The following SUPT3H variants were observed in gnomAD, a reference collection of about 807,000 sequenced individuals.
SUPT3H encodes the protein SPT3 homolog, SAGA and STAGA complex component.
In SUPT3H, 44 loss-of-function variants were observed where a neutral mutation model predicts 44.3. That is an observed-to-expected ratio of 0.99 (90% CI 0.78 to 1.28). SUPT3H has a LOEUF of 1.28. Among genes scored for constraint, SUPT3H ranks in the 50% most tolerant of loss-of-function variants. SUPT3H has a pLI of 0.00. For synonymous variants in SUPT3H, 124 were observed against 125.6 expected, an observed-to-expected ratio of 0.99 and a Z score of 0.09; for missense variants, 380 against 387.1, an observed-to-expected ratio of 0.98 and a Z score of 0.15.
intron 2 of SUPT3H, among the ~76,000 whole-genome samples, chr6:45,131,924 A>G (rs557959164): frequency 1.3e-5 from 2 of 152,324 alleles, no homozygotes; most frequent in African/African-American, 4.8e-5. Context: ...GGATGCCTGA[A>G]ACTGGGTAGT....
At chr6:44,890,620 A>AG (rs1332170435) in intron 10 of SUPT3H, among the ~76,000 whole-genome samples, 1 of 40,676 alleles carries the variant, frequency 2.5e-5, no homozygotes, top group African/African-American at 1.0e-4. Context: ...GGGGTGGGGG[A>AG]GGGGGGAGGG....
chr6:44,959,704 T>C (rs1775727739), intron 7 of SUPT3H, among the ~76,000 whole-genome samples: 1 of 152,154 alleles, frequency 6.6e-6, no homozygotes, highest in Non-Finnish European at 1.5e-5. Context: ...GTGAATTAGA[T>C]TAGTGTGCCG....
chr6:45,183,648 C>A (rs1449825290), intron 2 of SUPT3H, among the ~76,000 whole-genome samples: 1 of 152,186 alleles, frequency 6.6e-6, no homozygotes, highest in African/African-American at 2.4e-5. Flanking sequence ...TCCCACTAGG[C>A]CCCGCCTCCA....
chr6:44,813,294 T>C (rs1766666001), intron 11 of SUPT3H, among the ~76,000 whole-genome samples: 2 of 152,186 alleles, frequency 1.3e-5, no homozygotes, highest in South Asian at 4.1e-4. Context: ...TAAGGGATCC[T>C]CCTGCCTCAG....
At chr6:45,015,430 G>A (rs1489814128) in intron 4 of SUPT3H, among the ~76,000 whole-genome samples, 1 of 152,098 alleles carries the variant, frequency 6.6e-6, no homozygotes, top group Non-Finnish European at 1.5e-5. Flanking sequence ...TGTAGGACCT[G>A]AAGTTGCTCT....
chr6:45,235,878 G>C (rs1377473243), intron 2 of SUPT3H, among the ~76,000 whole-genome samples: 1 of 152,040 alleles, frequency 6.6e-6, no homozygotes, highest in Non-Finnish European at 1.5e-5. Flanking sequence ...AGGAATACCT[G>C]GCCCAACCAG....
chr6:44,878,364 G>A (rs774620345), intron 10 of SUPT3H, among the ~76,000 whole-genome samples: 1 of 152,054 alleles, frequency 6.6e-6, no homozygotes, highest in Non-Finnish European at 1.5e-5. Context: ...TAAAAACAAC[G>A]TGCCATTTGT....
intron 3 of SUPT3H, chr6:45,098,982 C>T (rs1798172165): frequency 4.8e-6 from 2 of 413,096 alleles, no homozygotes; most frequent in South Asian, 3.8e-5. Context: ...GATCCAGCTA[C>T]AGCCTATTCC....
chr6:44,860,176 G>A (rs111253183), intron 10 of SUPT3H, among the ~76,000 whole-genome samples: 68 of 152,272 alleles, frequency 4.5e-4, no homozygotes, highest in African/African-American at 1.6e-3. Flanking sequence ...TTTCAGTGAA[G>A]CCATTCAAAT....
intron 2 of SUPT3H, among the ~76,000 whole-genome samples, chr6:45,260,321 T>G (rs962685898): frequency 6.6e-6 from 1 of 152,096 alleles, no homozygotes; most frequent in African/African-American, 2.4e-5. Context: ...CCATTTTTGG[T>G]AGGTATTAAA....
chr6:45,244,045 C>A (rs1313965295), intron 2 of SUPT3H, among the ~76,000 whole-genome samples: 1 of 152,038 alleles, frequency 6.6e-6, no homozygotes, highest in African/African-American at 2.4e-5. Flanking sequence ...CCACACCTGG[C>A]TAATTTTTTT....
chr6:44,990,546 C>G (rs2153497133), intron 6 of SUPT3H, among the ~76,000 whole-genome samples: 2 of 152,158 alleles, frequency 1.3e-5, no homozygotes, highest in Middle Eastern at 6.8e-3. Context: ...CCCTCTAAAT[C>G]ATATGTTAAA....
intron 2 of SUPT3H, among the ~76,000 whole-genome samples, chr6:45,348,512 CAA>C (rs754208599): frequency 9.1e-6 from 1 of 110,354 alleles, no homozygotes; most frequent in East Asian, 2.3e-4. Context: ...ACTAAAAATA[CAA>C]AAAAAAAAAA....
At chr6:45,292,383 AAAAAAC>A (rs1316425187) in intron 2 of SUPT3H, among the ~76,000 whole-genome samples, 1 of 152,176 alleles carries the variant, frequency 6.6e-6, no homozygotes, top group Non-Finnish European at 1.5e-5. Context: ...ATACAATTTT[AAAAAAC>A]AAAAACAAAA....
chr6:45,004,248 G>A (rs1782397402), intron 5 of SUPT3H, among the ~76,000 whole-genome samples: 1 of 151,900 alleles, frequency 6.6e-6, no homozygotes, highest in African/African-American at 2.4e-5. Context: ...AACACTAAAG[G>A]AGACAGGGTG....
At chr6:44,932,570 C>A in intron 10 of SUPT3H, 83 bp downstream of exon 10, 1 of 954,324 alleles carries the variant, frequency 1.0e-6, no homozygotes, top group Non-Finnish European at 1.5e-6. Context: ...TCAACAATTC[C>A]ATTGCTTCTT....
intron 10 of SUPT3H, among the ~76,000 whole-genome samples, chr6:44,863,248 C>A (rs932420959): frequency 2.0e-5 from 3 of 152,150 alleles, no homozygotes; most frequent in African/African-American, 7.2e-5. Context: ...CAGGTAAAGT[C>A]CATGCTCTCA....
intron 2 of SUPT3H, among the ~76,000 whole-genome samples, chr6:45,244,289 C>T (rs186423163): frequency 6.6e-6 from 1 of 152,138 alleles, no homozygotes; most frequent in Non-Finnish European, 1.5e-5. Flanking sequence ...AGCCTAGATA[C>T]GCTCCCACAG....
At chr6:45,053,171 A>T (rs1790569773) in intron 3 of SUPT3H, among the ~76,000 whole-genome samples, 1 of 151,494 alleles carries the variant, frequency 6.6e-6, no homozygotes, top group Non-Finnish European at 1.5e-5. Context: ...AGTAGCTGGG[A>T]CTATAGGCAT....
Sources: gnomAD v4.1 joint callset for allele counts (sites outside exome capture counted in the v4.1 genomes callset) on GRCh38, gnomAD v4.1.1 for gene constraint, MANE v1.5 for transcripts, NCBI Gene and HGNC (gene_info 2026-07-23, HGNC 2026-07-21) for gene names.